Variants in FARP2 observed in about 807,000 individuals in gnomAD.
FARP2 encodes FERM, ARHGEF and pleckstrin domain-containing protein 2.
Under a neutral mutation model 130.5 loss-of-function variants are expected in FARP2, and 111 were observed. The observed-to-expected ratio is 0.85, with a 90% CI of 0.73 to 1.00. FARP2 has a LOEUF of 1.00. Ranked by LOEUF, FARP2 falls within the 50% of genes least tolerant of loss-of-function variation. FARP2 has a pLI of 0.00. For missense variants in FARP2, 1,385 were observed against 1,346.3 expected, an observed-to-expected ratio of 1.03 and a Z score of -0.45; for synonymous variants, 504 against 516.9, an observed-to-expected ratio of 0.98 and a Z score of 0.34.
intron 3 of FARP2, 62 bp from the exon 4 acceptor site, chr2:241,404,737 C>A: frequency 7.7e-7 from 1 of 1,296,932 alleles, no homozygotes; most frequent in Non-Finnish European, 1.1e-6. Context: ...GTTTTTATAG[C>A]ATACTTGTTA....
chr2:241,412,398 A>G (rs77548220), intron 6 of FARP2, among the ~76,000 whole-genome samples: 3,990 of 152,268 alleles, frequency 0.026, 406 homozygotes, highest in Admixed American at 0.18. Flanking sequence ...GTCATAGTTT[A>G]TAGGAAGTCC....
At position 241,362,180 on chromosome 2, in the gene FARP2, A is replaced by G. The variant is rs190870054; in HGVS notation, c.-25+5792A>G. On this transcript the variant is annotated intron_variant, in intron 1 of 26. Transcript: ENST00000264042. The stretch of plus-strand genomic sequence containing the variant: ...CCAAAGTGCTGGGATTACAGGTGTG[A>G]GCCATCACGCCCGGTCCCCCTTTAT... 3.9e-5 allele frequency among the ~76,000 whole-genome samples: 6 copies of G among 152,248 alleles called. No individual in the cohort carries two copies. In the East Asian group the frequency reaches 1.2e-3, roughly 29 times the overall value.
Position 241,474,446 on chromosome 2 carries a change from G to A in FARP2, c.2132-1411G>A, listed in dbSNP as rs567955114. ...GTGCTGGGTGAGGGGTGTGGACCTT[G>A]TCATGGAGAAGCTTTGTGGCCAGGA... On this transcript the variant is annotated intron_variant, in intron 18 of 26. Coordinates refer to ENST00000264042, the MANE Select transcript of FARP2 (RefSeq NM_014808.4). Among the ~76,000 whole-genome samples, 15 of 150,118 alleles carry A rather than the reference G, an allele frequency of 1.0e-4. No homozygotes were observed. In the East Asian group the frequency reaches 2.8e-3, roughly 28 times the overall value.
At chr2:241,493,973 T>C (rs763102943) in intron 26 of FARP2, 35 bp from the exon 27 acceptor site, 3 of 1,256,780 alleles carry the variant, frequency 2.4e-6, no homozygotes, top group Non-Finnish European at 3.2e-6. Context: ...GAGCACAAGA[T>C]GGCTCACTGG....
rs1425084480 is a variant in FARP2 at position 241,463,332 on chromosome 2, C to T, written c.1678-3C>T. The T allele has an allele frequency of 1.9e-6, 3 of 1,613,650 alleles. No homozygotes were observed. In the African/African-American group the frequency reaches 4.0e-5, roughly 22 times the overall value. ...CTCCCATCACACCACACTCTTCCCA[C>T]AGTGGTTCCGCAGCGCAGTGGTGAA... is the stretch of plus-strand genomic sequence containing the variant. On this transcript the variant is annotated splice_polypyrimidine_tract_variant and splice_region_variant and intron_variant, in intron 15 of 26. Coordinates refer to ENST00000264042, the MANE Select transcript of FARP2 (RefSeq NM_014808.4).
chr2:241,463,622 A>G (rs2064087402), intron 16 of FARP2, 154 bp downstream of exon 16: 3 of 824,294 alleles, frequency 3.6e-6, no homozygotes, highest in Non-Finnish European at 5.6e-6. Context: ...CAGATGTAAT[A>G]ATACCCTTTA....
At chr2:241,471,787 G>A (rs552992054) in intron 18 of FARP2, among the ~76,000 whole-genome samples, 15 of 152,126 alleles carry the variant, frequency 9.9e-5, no homozygotes, top group South Asian at 6.2e-4. Context: ...GAGCCACCGC[G>A]CCCAGCCGGG....
intron 8 of FARP2, among the ~76,000 whole-genome samples, chr2:241,428,983 T>C (rs1008965603): frequency 2.0e-5 from 3 of 152,328 alleles, no homozygotes; most frequent in Middle Eastern, 3.4e-3. Flanking sequence ...TTTTACTCCT[T>C]ATGGCTAAAG....
intron 8 of FARP2, among the ~76,000 whole-genome samples, chr2:241,425,920 T>A (rs2062927980): frequency 6.6e-6 from 1 of 151,016 alleles, no homozygotes. Context: ...TCCCCGAGCA[T>A]TTGGCGATTT....
chr2:241,411,522 A>G (rs2055566), intron 6 of FARP2, among the ~76,000 whole-genome samples: 141,233 of 152,316 alleles, frequency 0.93, 65,657 homozygotes, highest in East Asian at 1. Context: ...TTAGTAAAGC[A>G]TTAGCCATGA....
chr2:241,454,017 C>T (rs2063765475), intron 13 of FARP2, among the ~76,000 whole-genome samples: 1 of 151,850 alleles, frequency 6.6e-6, no homozygotes, highest in South Asian at 2.1e-4. Flanking sequence ...AACTCCTGAC[C>T]TCGTGATCCA....
intron 2 of FARP2, among the ~76,000 whole-genome samples, chr2:241,394,758 T>C (rs1163124419): frequency 6.6e-6 from 1 of 152,228 alleles, no homozygotes; most frequent in Non-Finnish European, 1.5e-5. Flanking sequence ...AAGAAATTAT[T>C]GGATGCTGTG....
intron 9 of FARP2, among the ~76,000 whole-genome samples, 170 bp from the exon 10 acceptor site, chr2:241,433,988 A>C (rs534202462): frequency 1.6e-4 from 24 of 152,250 alleles, no homozygotes; most frequent in Admixed American, 5.2e-4. Flanking sequence ...GTGAGCCAAG[A>C]TCACGCCATT....
intron 1 of FARP2, among the ~76,000 whole-genome samples, chr2:241,362,233 A>G (rs932805959): frequency 6.6e-6 from 1 of 152,080 alleles, no homozygotes; most frequent in Non-Finnish European, 1.5e-5. Flanking sequence ...CTTTGTTAGT[A>G]TAGTAGTTAA....
rs375190838 is a variant in FARP2, at chr2:241,441,487, G to A, written c.1342G>A (p.Ala448Thr). The A allele has an allele frequency of 9.3e-6, 15 of 1,613,792 alleles. No homozygotes were observed. The highest frequency in any genetic ancestry group is 1.3e-5 in the Non-Finnish European group (15 of 1,179,782). ...KSPAAERRSG[A>T]VAGGPDTPSA... Reference sequence around the variant, plus strand: ...TCCAGCTGCAGAGAGGCGCAGTGGAGCAGTGGCTGGAGGCCCCGACACACC... The same window carrying A: ...TCCAGCTGCAGAGAGGCGCAGTGGAACAGTGGCTGGAGGCCCCGACACACC... Residue 448 changes from alanine to threonine, a missense_variant, in exon 13 of 27, where the codon GCA (alanine) becomes ACA (threonine). Transcript: ENST00000264042.
chr2:241,446,528 G>A (rs978695905), intron 13 of FARP2: 1 of 152,170 alleles, frequency 6.6e-6, no homozygotes, highest in Non-Finnish European at 1.5e-5. Context: ...ATGTGCTGTG[G>A]TTGTGATCAC....
chr2:241,429,195 C>T (rs763876548), intron 8 of FARP2, among the ~76,000 whole-genome samples: 1 of 152,222 alleles, frequency 6.6e-6, no homozygotes, highest in Non-Finnish European at 1.5e-5. Context: ...ACAAACAGCA[C>T]AGAAAGGTCC....
intron 19 of FARP2, among the ~76,000 whole-genome samples, chr2:241,479,596 C>T (rs1276809402): frequency 6.6e-6 from 1 of 152,238 alleles, no homozygotes; most frequent in Non-Finnish European, 1.5e-5. Flanking sequence ...CAAGGCTTTT[C>T]AATTTGTATT....
chr2:241,392,400 A>G (rs978044300), intron 2 of FARP2, among the ~76,000 whole-genome samples: 9 of 152,210 alleles, frequency 5.9e-5, no homozygotes, highest in African/African-American at 2.2e-4. Flanking sequence ...TAAATAAGTA[A>G]TTGAGTCACC....
Sources: gnomAD v4.1 joint callset for allele counts (sites outside exome capture counted in the v4.1 genomes callset) on GRCh38, gnomAD v4.1.1 for gene constraint, MANE v1.5 for transcripts, NCBI Gene and HGNC (gene_info 2026-07-23, HGNC 2026-07-21) for gene names.